MINDY2: variants seen among roughly 807,000 people sequenced by gnomAD.
The protein encoded by MINDY2 is MINDY lysine 48 deubiquitinase 2, also known as ubiquitin carboxyl-terminal hydrolase MINDY-2.
In MINDY2, 52 loss-of-function variants were observed where a neutral mutation model predicts 68.2. That is an observed-to-expected ratio of 0.76 (90% CI 0.61 to 0.96). The LOEUF (loss-of-function observed/expected upper bound fraction) is 0.96, where lower values mean the gene tolerates loss of function less well. Ranked by LOEUF, MINDY2 falls within the 40% of genes least tolerant of loss-of-function variation. The pLI, the probability that MINDY2 is intolerant of heterozygous loss-of-function variation, is 0.00. For missense variants in MINDY2, 881 were observed against 773.4 expected, an observed-to-expected ratio of 1.14 and a Z score of -1.65; for synonymous variants, 372 against 303.0, an observed-to-expected ratio of 1.23 and a Z score of -2.36.
chr15:58,846,714 C>T (rs1378381829), intron 6 of MINDY2, among the ~76,000 whole-genome samples: 4 of 151,416 alleles, frequency 2.6e-5, no homozygotes, highest in African/African-American at 7.3e-5. Flanking sequence ...TGTGATAAGG[C>T]AGGAAAATAC....
chr15:58,794,362 T>G (rs1032742212), intron 2 of MINDY2, among the ~76,000 whole-genome samples: 6 of 121,992 alleles, frequency 4.9e-5, no homozygotes, highest in African/African-American at 2.4e-4. Context: ...TTTTGGGGTG[T>G]GTGTGTGTGT....
intron 5 of MINDY2, among the ~76,000 whole-genome samples, chr15:58,822,230 G>A (rs1228047452): frequency 1.3e-5 from 2 of 151,612 alleles, no homozygotes; most frequent in African/African-American, 4.9e-5. Flanking sequence ...CTCCACCCTG[G>A]GCAACAGAGT....
At chr15:58,788,464 A>T (rs1901655665) in intron 2 of MINDY2, among the ~76,000 whole-genome samples, 1 of 152,112 alleles carries the variant, frequency 6.6e-6, no homozygotes, top group Non-Finnish European at 1.5e-5. Flanking sequence ...TTCAACTGAA[A>T]TTTTTTTATA....
At chr15:58,773,106 A>AT (rs1900547012) in intron 1 of MINDY2, among the ~76,000 whole-genome samples, 1 of 150,462 alleles carries the variant, frequency 6.6e-6, no homozygotes, top group Middle Eastern at 3.4e-3. Flanking sequence ...CAAATTGATA[A>AT]TTATATCTGT....
At chr15:58,826,856 C>CCCTCCCTT (rs2031428658) in intron 5 of MINDY2, among the ~76,000 whole-genome samples, 1 of 151,884 alleles carries the variant, frequency 6.6e-6, no homozygotes, top group Non-Finnish European at 1.5e-5. Context: ...ATTCCTTCCT[C>CCCTCCCTT]CCTCCCTTCC....
intron 3 of MINDY2, among the ~76,000 whole-genome samples, chr15:58,809,667 C>G (rs1202255012): frequency 5.3e-5 from 8 of 152,216 alleles, no homozygotes; most frequent in Admixed American, 1.3e-4. Flanking sequence ...CTATTACTCT[C>G]TACAACTCCA....
At chr15:58,813,568 T>C (rs2030453483) in intron 4 of MINDY2, among the ~76,000 whole-genome samples, 1 of 152,122 alleles carries the variant, frequency 6.6e-6, no homozygotes, top group South Asian at 2.1e-4. Flanking sequence ...GTGCAGTTGG[T>C]GGGTTATATC....
chr15:58,789,688 C>T (rs1481850624), intron 2 of MINDY2, among the ~76,000 whole-genome samples: 1 of 152,068 alleles, frequency 6.6e-6, no homozygotes, highest in Non-Finnish European at 1.5e-5. Context: ...ACTCTTGTTT[C>T]TCAGGCTGGA....
At chr15:58,838,724 T>G (rs2032127959) in intron 6 of MINDY2, among the ~76,000 whole-genome samples, 1 of 151,304 alleles carries the variant, frequency 6.6e-6, no homozygotes, top group South Asian at 2.1e-4. Context: ...GTAGTTGGGA[T>G]TACAGGCGGG....
At chr15:58,799,647 C>A (rs1274279307) in intron 2 of MINDY2, among the ~76,000 whole-genome samples, 1 of 151,292 alleles carries the variant, frequency 6.6e-6, no homozygotes, top group African/African-American at 2.4e-5. Context: ...TTTCCTAATA[C>A]CTAGCTGAAG....
intron 1 of MINDY2, among the ~76,000 whole-genome samples, chr15:58,786,580 A>G (rs1446410477): frequency 6.6e-6 from 1 of 152,200 alleles, no homozygotes; most frequent in Admixed American, 6.5e-5. Flanking sequence ...ACTATAACGT[A>G]TCTTTACTTT....
intron 1 of MINDY2, among the ~76,000 whole-genome samples, chr15:58,774,555 T>C (rs1250217699): frequency 6.7e-6 from 1 of 149,968 alleles, no homozygotes; most frequent in African/African-American, 2.5e-5. Flanking sequence ...CTCGTGTAGC[T>C]GACTATCTAG....
At chr15:58,798,324 T>A (rs1207544934) in intron 2 of MINDY2, among the ~76,000 whole-genome samples, 1 of 149,424 alleles carries the variant, frequency 6.7e-6, no homozygotes. Flanking sequence ...ATGGGATTTG[T>A]CTATGTTGGC....
intron 6 of MINDY2, among the ~76,000 whole-genome samples, chr15:58,846,595 CAAAAA>C (rs11335033): frequency 1.0e-5 from 1 of 98,276 alleles, no homozygotes; most frequent in Non-Finnish European, 2.0e-5. Flanking sequence ...TGAGACTCCT[CAAAAA>C]AAAAAAAAAA....
chr15:58,810,472 T>C (rs1293299771), intron 4 of MINDY2, 84 bp downstream of exon 4: 1 of 1,300,810 alleles, frequency 7.7e-7, no homozygotes, highest in Non-Finnish European at 1.0e-6. Context: ...TTATATTTTT[T>C]GTTACTTACT....
Position 58,771,627 on chromosome 15 carries a change from C to T in MINDY2, c.232C>T (p.Pro78Ser), listed in dbSNP as rs781111103. The T allele has an allele frequency of 2.4e-5, 38 of 1,612,226 alleles. No homozygotes were observed. The highest frequency in any genetic ancestry group is 3.1e-5 in the Non-Finnish European group (37 of 1,179,864). The change falls in exon 1 of 9, where the codon CCC becomes TCC. Residue 78 changes from proline to serine, a missense_variant. By Grantham distance (74) the Pro-to-Ser change is moderately conservative. Transcript: ENST00000559228. ...SPAGSPEVPG[P>S]CSSSAGLDLK... is the part of the protein sequence containing the mutation. ...CGCGGGCTCTCCTGAGGTTCCCGGA[C>T]CCTGCAGCTCCTCCGCGGGTTTGGA...
chr15:58,772,077 C>T lies in MINDY2; in HGVS notation c.682C>T (p.Gln228Ter). The T allele has an allele frequency of 6.2e-7, 1 of 1,612,868 alleles. No individual in the cohort carries two copies. Among genetic ancestry groups the T allele is most frequent in the Non-Finnish European group, 8.5e-7 (1 of 1,179,314 alleles). Residue 228 changes from glutamine to a stop codon, truncating the protein, a stop_gained, in exon 1 of 9, where the codon CAG (glutamine) becomes TAG (stop). Coordinates refer to ENST00000559228, the MANE Select transcript of MINDY2 (RefSeq NM_001040450.3). LOFTEE classifies it high-confidence loss of function. Reference protein sequence around the residue: ...CKEEEGEETAQVLAASKERFP... With the variant: ...CKEEEGEETA ...GGAGGAGGAGGGGGAGGAGACCGCTCAGGTGCTGGCGGCCTCCAAGGAACG... is the reference window on the plus strand; with the variant it reads ...GGAGGAGGAGGGGGAGGAGACCGCTTAGGTGCTGGCGGCCTCCAAGGAACG...
At chr15:58,774,101 G>C (rs1236821370) in intron 1 of MINDY2, among the ~76,000 whole-genome samples, 1 of 152,210 alleles carries the variant, frequency 6.6e-6, no homozygotes, top group African/African-American at 2.4e-5. Flanking sequence ...TTTGGGGATA[G>C]ATGCATATTA....
chr15:58,822,078 C>A (rs1387634959), intron 5 of MINDY2, among the ~76,000 whole-genome samples: 1 of 151,922 alleles, frequency 6.6e-6, no homozygotes, highest in Non-Finnish European at 1.5e-5. Flanking sequence ...GATGAAACCA[C>A]GTGTCTACTA....
Sources: allele counts gnomAD v4.1 joint callset (sites outside exome capture counted in the v4.1 genomes callset), GRCh38; gene constraint gnomAD v4.1.1; transcripts MANE v1.5; gene names NCBI Gene and HGNC (gene_info 2026-07-23, HGNC 2026-07-21).